ROBO2: variants seen among roughly 807,000 people sequenced by gnomAD.
The protein encoded by ROBO2 is roundabout homolog 2.
ROBO2 carries 53 observed loss-of-function variants against 160.8 expected under a neutral mutation model. That is an observed-to-expected ratio of 0.33 (90% CI 0.26 to 0.41). The LOEUF is 0.41. ROBO2 is among the 10% of genes least tolerant of loss of function. The pLI, the probability that ROBO2 is intolerant of heterozygous loss-of-function variation, is 1.00. For missense variants in ROBO2, 1,577 were observed against 1,722.4 expected (o/e 0.92, Z 1.49); for synonymous variants, 664 against 611.7 (o/e 1.09, Z -1.26).
intron 2 of ROBO2, among the ~76,000 whole-genome samples, chr3:76,248,730 T>A (rs972143756): frequency 6.6e-6 from 1 of 152,070 alleles, no homozygotes; most frequent in East Asian, 1.9e-4. Context: ...CCACTCCTAT[T>A]TTGTTTTGGA....
At chr3:76,219,416 A>G (rs1703800893) in intron 2 of ROBO2, among the ~76,000 whole-genome samples, 1 of 152,234 alleles carries the variant, frequency 6.6e-6, no homozygotes, top group Non-Finnish European at 1.5e-5. Flanking sequence ...AAATTTTTGC[A>G]AACTACTTAC....
chr3:76,314,864 C>A (rs1340139765), intron 2 of ROBO2, among the ~76,000 whole-genome samples: 1 of 151,992 alleles, frequency 6.6e-6, no homozygotes, highest in Non-Finnish European at 1.5e-5. Context: ...TTTTGACTGG[C>A]ACAGGGGTCA....
chr3:77,449,672 C>T (rs946188159), intron 2 of ROBO2, among the ~76,000 whole-genome samples: 2 of 152,126 alleles, frequency 1.3e-5, no homozygotes, highest in Non-Finnish European at 2.9e-5. Context: ...CGATATGCTA[C>T]ATTTTGAATG....
chr3:77,192,381 GT>G, intron 2 of ROBO2, among the ~76,000 whole-genome samples: 1 of 152,150 alleles, frequency 6.6e-6, no homozygotes, highest in Admixed American at 6.5e-5. Context: ...ACTTTGCCAT[GT>G]TTTTTATACA....
chr3:75,919,417 T>C (rs138384412), intron 1 of ROBO2, among the ~76,000 whole-genome samples: 148 of 152,302 alleles, frequency 9.7e-4, no homozygotes, highest in African/African-American at 3.4e-3. Flanking sequence ...AGCTTTTTGA[T>C]GTGCTGCTGG....
Position 76,049,178 on chromosome 3 carries a change from G to A in ROBO2, c.109+111576G>A, listed in dbSNP as rs564275351. 1.8e-4 allele frequency among the ~76,000 whole-genome samples: 28 copies of A among 151,656 alleles called. 1 individual carries two copies. In the East Asian group the frequency reaches 2.1e-3, roughly 12 times the overall value. On this transcript the variant is annotated intron_variant, in intron 2 of 26. Transcript: ENST00000487694. ...GTGTGTGTAAGGAGCCCCCTTTTCC[G>A]TTTAATCTTAGTGTCTCACATTTAT...
At chr3:77,291,794 G>T (rs1580741447) in intron 2 of ROBO2, among the ~76,000 whole-genome samples, 1 of 150,548 alleles carries the variant, frequency 6.6e-6, no homozygotes, top group Admixed American at 6.6e-5. Context: ...ACGGGAAGTT[G>T]AGGCTAGAAC....
intron 2 of ROBO2, among the ~76,000 whole-genome samples, chr3:76,794,888 A>G (rs2063588840): frequency 2.0e-5 from 3 of 151,980 alleles, no homozygotes; most frequent in African/African-American, 7.2e-5. Context: ...TGACTACCTC[A>G]CATAATTGTT....
intron 2 of ROBO2, among the ~76,000 whole-genome samples, chr3:76,593,979 A>G (rs1004250932): frequency 3.3e-5 from 5 of 152,058 alleles, no homozygotes; most frequent in African/African-American, 1.2e-4. Context: ...AGCTGGAATA[A>G]TATAAATATT....
chr3:76,075,171 G>A (rs780184878), intron 2 of ROBO2, among the ~76,000 whole-genome samples: 1 of 151,736 alleles, frequency 6.6e-6, no homozygotes, highest in Non-Finnish European at 1.5e-5. Flanking sequence ...GTGGAGCCCT[G>A]TCACCCATGC....
At chr3:76,958,341 A>G (rs918362846) in intron 2 of ROBO2, among the ~76,000 whole-genome samples, 8 of 152,326 alleles carry the variant, frequency 5.3e-5, no homozygotes, top group Admixed American at 5.2e-4. Context: ...TGAAATAAAA[A>G]CAGAACAGCC....
intron 2 of ROBO2, among the ~76,000 whole-genome samples, chr3:77,395,521 G>T (rs2075187014): frequency 6.6e-6 from 1 of 152,082 alleles, no homozygotes; most frequent in Non-Finnish European, 1.5e-5. Flanking sequence ...CATTTTAATT[G>T]AATTGTATTT....
At chr3:77,460,609 C>T (rs1159730699) in intron 2 of ROBO2, among the ~76,000 whole-genome samples, 1 of 152,010 alleles carries the variant, frequency 6.6e-6, no homozygotes, top group Non-Finnish European at 1.5e-5. Context: ...AAAAGTATTC[C>T]AGAAGACAAG....
intron 2 of ROBO2, among the ~76,000 whole-genome samples, chr3:77,274,034 G>A (rs76960126): frequency 6.6e-6 from 1 of 151,792 alleles, no homozygotes; most frequent in East Asian, 1.9e-4. Context: ...TATTAATGAA[G>A]TTATTAATAA....
chr3:76,549,364 G>A (rs2083288818), intron 2 of ROBO2, among the ~76,000 whole-genome samples: 1 of 152,168 alleles, frequency 6.6e-6, no homozygotes, highest in Non-Finnish European at 1.5e-5. Flanking sequence ...TGGCTGTGGT[G>A]TAAAACGTTA....
chr3:76,435,743 C>T (rs1017196818), intron 2 of ROBO2, among the ~76,000 whole-genome samples: 2 of 152,102 alleles, frequency 1.3e-5, no homozygotes, highest in African/African-American at 4.8e-5. Context: ...ATTCTACCAA[C>T]AAACAAACAG....
At chr3:76,819,631 G>T (rs1159753005) in intron 2 of ROBO2, among the ~76,000 whole-genome samples, 1 of 152,040 alleles carries the variant, frequency 6.6e-6, no homozygotes, top group Non-Finnish European at 1.5e-5. Flanking sequence ...GAGAGAGCTT[G>T]TATGTTGGGA....
At chr3:76,178,718 G>C (rs1559616585) in intron 2 of ROBO2, among the ~76,000 whole-genome samples, 1 of 152,084 alleles carries the variant, frequency 6.6e-6, no homozygotes, top group Non-Finnish European at 1.5e-5. Flanking sequence ...GCCGAGGTGG[G>C]GGGATTACAA....
chr3:76,840,609 CA>C (rs556004157), intron 2 of ROBO2, among the ~76,000 whole-genome samples: 18,387 of 119,892 alleles, frequency 0.15, 1,344 homozygotes, highest in East Asian at 0.27. Flanking sequence ...GACTCTGTCT[CA>C]AAAAAAAAAA....
Sources: gnomAD v4.1 joint callset for allele counts (sites outside exome capture counted in the v4.1 genomes callset) on GRCh38, gnomAD v4.1.1 for gene constraint, MANE v1.5 for transcripts, NCBI Gene and HGNC (gene_info 2026-07-23, HGNC 2026-07-21) for gene names.